The following FRMD5 variants were observed in gnomAD, a reference collection of about 807,000 sequenced individuals.
FRMD5 encodes the protein FERM domain-containing protein 5.
In FRMD5, 20 loss-of-function variants were observed where a neutral mutation model predicts 69.0. The ratio of observed to expected loss-of-function variants is 0.29; its 90% CI spans 0.20 to 0.42. The LOEUF is 0.42. Among genes scored for constraint, FRMD5 ranks in the 10% least tolerant of loss-of-function variants. The pLI is 1.00. For synonymous variants in FRMD5, 271 were observed against 260.1 expected, an observed-to-expected ratio of 1.04 and a Z score of -0.40; for missense variants, 595 against 708.6, an observed-to-expected ratio of 0.84 and a Z score of 1.82.
intron 1 of FRMD5, among the ~76,000 whole-genome samples, chr15:43,953,377 C>T (rs145802971): frequency 1.3e-4 from 20 of 152,276 alleles, no homozygotes; most frequent in Admixed American, 2.0e-4. Context: ...ATGGCTCAAT[C>T]CTTGGTGGTG....
chr15:44,020,762 A>G (rs1014020963), intron 1 of FRMD5, among the ~76,000 whole-genome samples: 1 of 152,190 alleles, frequency 6.6e-6, no homozygotes, highest in Non-Finnish European at 1.5e-5. Context: ...TAGACAATCA[A>G]CAAAACAATA....
intron 1 of FRMD5, among the ~76,000 whole-genome samples, chr15:44,105,038 G>A (rs1396976772): frequency 6.6e-6 from 1 of 150,510 alleles, no homozygotes; most frequent in Non-Finnish European, 1.5e-5. Flanking sequence ...AACTTTCATA[G>A]TAGTACCATA....
chr15:43,896,981 G>GAGGAGA (rs1419717710), intron 7 of FRMD5, among the ~76,000 whole-genome samples: 1 of 152,132 alleles, frequency 6.6e-6, no homozygotes, highest in Non-Finnish European at 1.5e-5. Flanking sequence ...TGGAAATGAA[G>GAGGAGA]AGGAGAAGGA....
intron 1 of FRMD5, among the ~76,000 whole-genome samples, chr15:44,135,957 CCAGTT>C (rs1205259167): frequency 1.3e-5 from 2 of 151,934 alleles, no homozygotes; most frequent in African/African-American, 2.4e-5. Context: ...AAATCTGACA[CCAGTT>C]AAGTTTTGGG....
chr15:43,956,222 C>T (rs768860535), intron 1 of FRMD5, among the ~76,000 whole-genome samples: 13 of 152,042 alleles, frequency 8.6e-5, no homozygotes, highest in South Asian at 2.1e-4. Context: ...AATTACTTTG[C>T]GGAAATTACT....
intron 1 of FRMD5, among the ~76,000 whole-genome samples, chr15:44,073,645 C>T (rs1446012098): frequency 6.6e-6 from 1 of 152,128 alleles, no homozygotes; most frequent in Non-Finnish European, 1.5e-5. Context: ...AAAGGCTGAT[C>T]CCACTGCCCA....
chr15:43,915,432 A>G (rs1247383564), intron 4 of FRMD5, among the ~76,000 whole-genome samples: 2 of 152,196 alleles, frequency 1.3e-5, no homozygotes, highest in African/African-American at 4.8e-5. Context: ...CCGTTCGTTC[A>G]TGTATGTCTT....
At chr15:43,989,014 T>C in intron 1 of FRMD5, 1 of 793,392 alleles carries the variant, frequency 1.3e-6, no homozygotes, top group South Asian at 1.3e-5. Flanking sequence ...TCTGCGCAAG[T>C]TAGGTTTTGT....
At chr15:43,914,119 C>A (rs1595512554) in intron 4 of FRMD5, among the ~76,000 whole-genome samples, 1 of 152,166 alleles carries the variant, frequency 6.6e-6, no homozygotes, top group East Asian at 1.9e-4. Context: ...AAAACCTGAG[C>A]TTTTGTGTAA....
intron 7 of FRMD5, among the ~76,000 whole-genome samples, chr15:43,897,759 T>A (rs936323718): frequency 1.3e-5 from 2 of 152,088 alleles, no homozygotes; most frequent in Admixed American, 1.3e-4. Context: ...TGGCTCTGTG[T>A]CCCCACCCAA....
chr15:44,158,320 GA>G (rs1403022682), intron 1 of FRMD5, among the ~76,000 whole-genome samples: 1 of 152,084 alleles, frequency 6.6e-6, no homozygotes. Context: ...ACAGAAGGGA[GA>G]AAAAAATTGT....
chr15:43,978,089 C>A (rs762635162), intron 1 of FRMD5, among the ~76,000 whole-genome samples: 4 of 152,192 alleles, frequency 2.6e-5, no homozygotes, highest in Non-Finnish European at 4.4e-5. Flanking sequence ...CAGCCAGATT[C>A]CTGACCGGGA....
In FRMD5 at chr15:44,125,169, G is replaced by A. The variant is rs1399852654; in HGVS notation, c.102+69784C>T. ...AAAGAATAACTAGCTGGGCATTGTG[G>A]TTCATGCCGATAATCCCAGCTACTC... On this transcript the variant is annotated intron_variant, in intron 1 of 13. Transcript: ENST00000417257. Among the ~76,000 whole-genome samples the A allele has an allele frequency of 3.3e-5, 5 of 152,054 alleles. No individual in the cohort carries two copies. The East Asian group carries it at 7.7e-4, about 23-fold the overall frequency.
At chr15:44,120,122 G>A (rs1432806728) in intron 1 of FRMD5, among the ~76,000 whole-genome samples, 1 of 152,104 alleles carries the variant, frequency 6.6e-6, no homozygotes, top group Non-Finnish European at 1.5e-5. Flanking sequence ...GTTCATAGGG[G>A]GACCTACAAA....
intron 1 of FRMD5, among the ~76,000 whole-genome samples, chr15:43,944,054 T>C (rs1047762449): frequency 6.6e-6 from 1 of 152,344 alleles, no homozygotes; most frequent in South Asian, 2.1e-4. Context: ...CCATATCCCA[T>C]CGGCCACTGC....
Position 43,965,576 on chromosome 15 carries a change from C to CTTT in FRMD5, c.103-41270_103-41268dup, listed in dbSNP as rs35986581. 4.5e-3 allele frequency among the ~76,000 whole-genome samples: 493 copies of CTTT among 110,332 alleles called. 8 individuals carry two copies. Among genetic ancestry groups the CTTT allele is most frequent in the African/African-American group, 0.014 (409 of 29,418 alleles). 72.4% of individuals were successfully genotyped at this position (110,332 alleles called of 152,430 possible). A position where few individuals can be genotyped will look rare whatever the true frequency, so the allele number is the denominator to read the frequency against. On this transcript the variant is annotated intron_variant, in intron 1 of 13. Transcript: ENST00000417257. ...ATGCAAAATTAATCTTTTAAAAAGT[C>CTTT]TTTTTTTTTTTTTTTTTTTTTTGAG... is the stretch of plus-strand genomic sequence containing the variant.
chr15:44,093,665 C>T (rs986961484), intron 1 of FRMD5, among the ~76,000 whole-genome samples: 8 of 151,810 alleles, frequency 5.3e-5, no homozygotes, highest in African/African-American at 1.7e-4. Flanking sequence ...CTCCATCTCC[C>T]GGGTTCACGC....
At chr15:44,193,391 G>A (rs1595578122) in intron 1 of FRMD5, among the ~76,000 whole-genome samples, 1 of 152,092 alleles carries the variant, frequency 6.6e-6, no homozygotes. Flanking sequence ...CTCAAATGGT[G>A]AAGATATCAA....
At chr15:43,990,997 C>T (rs998967696) in intron 1 of FRMD5, among the ~76,000 whole-genome samples, 3 of 152,176 alleles carry the variant, frequency 2.0e-5, no homozygotes, top group African/African-American at 4.8e-5. Flanking sequence ...TACTATATAT[C>T]AGAACAGATT....
Sources: gnomAD v4.1 joint callset for allele counts (sites outside exome capture counted in the v4.1 genomes callset) on GRCh38, gnomAD v4.1.1 for gene constraint, MANE v1.5 for transcripts, NCBI Gene and HGNC (gene_info 2026-07-23, HGNC 2026-07-21) for gene names.